Variants in SLAIN2 observed in about 807,000 individuals in gnomAD.
SLAIN2 encodes the protein SLAIN family member 2, also known as SLAIN motif-containing protein 2.
SLAIN2 carries 31 observed loss-of-function variants against 56.6 expected under a neutral mutation model. The observed-to-expected ratio is 0.55, with a 90% confidence interval of 0.41 to 0.74. The LOEUF (loss-of-function observed/expected upper bound fraction) is 0.74, where lower values mean the gene tolerates loss of function less well. Among genes scored for constraint, SLAIN2 ranks in the 30% least tolerant of loss-of-function variants. The probability of loss-of-function intolerance (pLI) is 0.00; values close to 1 mark genes in which losing one functional copy is unlikely to be tolerated. For missense variants in SLAIN2, 777 were observed against 754.2 expected (o/e 1.03, Z -0.35); for synonymous variants, 317 against 284.9 (o/e 1.11, Z -1.13).
intron 6 of SLAIN2, among the ~76,000 whole-genome samples, chr4:48,406,448 C>T (rs1378879246): frequency 6.6e-6 from 1 of 150,536 alleles, no homozygotes; most frequent in Non-Finnish European, 1.5e-5. Context: ...ATAAAGTGTT[C>T]TTGGAATAAC....
intron 6 of SLAIN2, among the ~76,000 whole-genome samples, chr4:48,387,702 G>A (rs935423540): frequency 1.4e-4 from 21 of 151,838 alleles, no homozygotes; most frequent in Admixed American, 8.5e-4. Context: ...ACTTAGTAAA[G>A]TTTACTTTAA....
At chr4:48,398,782 T>G in intron 6 of SLAIN2, among the ~76,000 whole-genome samples, 1 of 152,202 alleles carries the variant, frequency 6.6e-6, no homozygotes, top group East Asian at 1.9e-4. Flanking sequence ...TTTTGTCAGG[T>G]TTGTCAAAGA....
At chr4:48,361,966 A>G (rs6837335) in intron 1 of SLAIN2, among the ~76,000 whole-genome samples, 88,383 of 152,034 alleles carry the variant, frequency 0.58, 26,253 homozygotes, top group South Asian at 0.71. Context: ...TATTCAGGTC[A>G]TTTATTGATA....
chr4:48,370,332 ACT>A (rs1252137487), intron 2 of SLAIN2, among the ~76,000 whole-genome samples: 4 of 152,070 alleles, frequency 2.6e-5, no homozygotes, highest in African/African-American at 7.2e-5. Flanking sequence ...CTCACATTCC[ACT>A]CTTTGGGGAA....
rs562433931 is a variant in SLAIN2, at chr4:48,398,525, G to A, written c.1360+14741G>A. Among the ~76,000 whole-genome samples, 11 of 152,108 alleles carry A rather than the reference G, an allele frequency of 7.2e-5. No individual in the cohort carries two copies. The South Asian group carries it at 1.5e-3, about 20-fold the overall frequency. On this transcript the variant is annotated intron_variant, in intron 6 of 7. Coordinates refer to ENST00000264313, the MANE Select transcript of SLAIN2 (RefSeq NM_020846.2). ...TTAGATCCCATTTGTCAGTTTTTGC[G>A]TTTGTTGCAATTGCTTTTGGCATTT...
intron 2 of SLAIN2, among the ~76,000 whole-genome samples, chr4:48,372,970 C>T (rs983619543): frequency 2.0e-5 from 3 of 151,984 alleles, no homozygotes; most frequent in African/African-American, 7.2e-5. Flanking sequence ...AGTTATTACT[C>T]CTTCACACTC....
At chr4:48,360,436 C>A (rs1226815844) in intron 1 of SLAIN2, among the ~76,000 whole-genome samples, 1 of 151,636 alleles carries the variant, frequency 6.6e-6, no homozygotes, top group African/African-American at 2.4e-5. Context: ...ACCAAAAATA[C>A]AAACATTAGC....
chr4:48,341,646 G>C lies in SLAIN2; in HGVS notation c.-94G>C. 2.7e-6 allele frequency: 4 copies of C among 1,471,422 alleles called. No individual in the cohort carries two copies. The highest frequency in any genetic ancestry group is 2.7e-6 in the Non-Finnish European group (3 of 1,111,362). The allele number at this position is 1,471,422 out of a possible 1,614,324, so 91.1% of individuals were successfully genotyped here. On this transcript the variant is annotated 5_prime_UTR_variant, in exon 1 of 8. An upstream open reading frame in the 5' UTR loses its in-frame stop. Coordinates refer to ENST00000264313, the MANE Select transcript of SLAIN2 (RefSeq NM_020846.2). ...CTGCTATATGCCGGCGCCTCGGCTA[G>C]AGTGAGCGGCGGCGACGCCTCTTTC...
rs1220255703 is a variant in SLAIN2, at chr4:48,412,936, A to G, written c.1361-7189A>G. ...CTGGTTGAAAATTAAAGTGTTGATA[A>G]TGACACTTTGGCCAGACACGGTGGC... On this transcript the variant is annotated intron_variant, in intron 6 of 7. Transcript: ENST00000264313. 5.9e-5 allele frequency among the ~76,000 whole-genome samples: 9 copies of G among 152,260 alleles called. No homozygotes were observed. The South Asian group carries it at 1.7e-3, about 28-fold the overall frequency.
chr4:48,407,348 A>C (rs571852387), intron 6 of SLAIN2, among the ~76,000 whole-genome samples: 1 of 152,188 alleles, frequency 6.6e-6, no homozygotes, highest in Non-Finnish European at 1.5e-5. Flanking sequence ...TGTCACTCCG[A>C]TTTATGCTAT....
At position 48,382,637 on chromosome 4, in the gene SLAIN2, G is replaced by A. The variant is rs1715997390; in HGVS notation, c.932G>A (p.Arg311Gln). ...GGTTCATCTTGCAATTCTACAAGAC[G>A]GGGTACTTTTAGTGATCAGGAACTT... ...SSGSSCNSTR[R>Q]GTFSDQELDA... Residue 311 changes from arginine to glutamine, a missense_variant, in exon 5 of 8, where the codon CGG becomes CAG. Physicochemically the swap from Arg to Gln is conservative, Grantham distance 43. Transcript: ENST00000264313. The A allele has an allele frequency of 4.3e-6, 7 of 1,613,398 alleles. No individual in the cohort carries two copies. Among genetic ancestry groups the A allele is most frequent in the Non-Finnish European group, 5.9e-6 (7 of 1,179,512 alleles).
chr4:48,411,603 G>GT (rs3072284), intron 6 of SLAIN2, among the ~76,000 whole-genome samples: 2,926 of 148,168 alleles, frequency 0.02, 103 homozygotes, highest in African/African-American at 0.068. Context: ...TATCTTCTGA[G>GT]TTTTTTTTTT....
At chr4:48,348,740 G>A (rs404445) in intron 1 of SLAIN2, among the ~76,000 whole-genome samples, 79,728 of 151,010 alleles carry the variant, frequency 0.53, 22,097 homozygotes, top group South Asian at 0.69. Flanking sequence ...CTAAGCTTAA[G>A]TGTGAGGAGA....
intron 4 of SLAIN2, 70 bp downstream of exon 4, chr4:48,379,918 C>A: frequency 7.7e-7 from 1 of 1,304,700 alleles, no homozygotes; most frequent in Non-Finnish European, 1.0e-6. Context: ...TTAAATATGT[C>A]TTAAAGTATT....
intron 2 of SLAIN2, among the ~76,000 whole-genome samples, chr4:48,372,765 A>G (rs1324573799): frequency 2.6e-5 from 4 of 152,234 alleles, no homozygotes; most frequent in Admixed American, 6.5e-5. Flanking sequence ...TCATAGAACA[A>G]TAGCTACAGC....
intron 6 of SLAIN2, among the ~76,000 whole-genome samples, chr4:48,399,594 G>A (rs1716493894): frequency 6.6e-6 from 1 of 152,144 alleles, no homozygotes; most frequent in Non-Finnish European, 1.5e-5. Context: ...TTTTCAAAGG[G>A]AATGTTTCAA....
At chr4:48,382,416 T>C (rs909106635) in intron 4 of SLAIN2, among the ~76,000 whole-genome samples, 152 bp from the exon 5 acceptor site, 8 of 152,288 alleles carry the variant, frequency 5.3e-5, no homozygotes, top group African/African-American at 1.7e-4. Context: ...TATGGACATA[T>C]AAGCCTATAT....
chr4:48,412,786 A>G (rs1716897124), intron 6 of SLAIN2, among the ~76,000 whole-genome samples: 1 of 152,206 alleles, frequency 6.6e-6, no homozygotes, highest in South Asian at 2.1e-4. Flanking sequence ...GGAAGAAGAA[A>G]TCAAAGGTTT....
chr4:48,357,819 T>C (rs1415669537), intron 1 of SLAIN2, among the ~76,000 whole-genome samples: 1 of 152,250 alleles, frequency 6.6e-6, no homozygotes, highest in Non-Finnish European at 1.5e-5. Context: ...CCTTCCAAAG[T>C]GCTGGGATTA....
Sources: gnomAD v4.1 joint callset for allele counts (sites outside exome capture counted in the v4.1 genomes callset) on GRCh38, gnomAD v4.1.1 for gene constraint, MANE v1.5 for transcripts, NCBI Gene and HGNC (gene_info 2026-07-23, HGNC 2026-07-21) for gene names.